Variants in GCN1 observed in about 807,000 individuals in gnomAD.
GCN1 encodes the protein stalled ribosome sensor GCN1.
GCN1 carries 90 observed loss-of-function variants against 288.4 expected under a neutral mutation model. That is an observed-to-expected ratio of 0.31 (90% CI 0.26 to 0.37). The LOEUF (loss-of-function observed/expected upper bound fraction) is 0.37, where lower values mean the gene tolerates loss of function less well. Among genes scored for constraint, GCN1 ranks in the 10% least tolerant of loss-of-function variants. The probability of loss-of-function intolerance (pLI) is 1.00; values close to 1 mark genes in which losing one functional copy is unlikely to be tolerated. For synonymous variants in GCN1, 1,386 were observed against 1,420.2 expected, an observed-to-expected ratio of 0.98 and a Z score of 0.54; for missense variants, 2,586 against 3,419.9, an observed-to-expected ratio of 0.76 and a Z score of 6.08.
chr12:120,128,036 T>C (rs572250493), intron 57 of GCN1, 62 bp from the exon 58 acceptor site: 89 of 1,581,202 alleles, frequency 5.6e-5, no homozygotes, highest in Non-Finnish European at 7.3e-5. Context: ...CGTTCTCCAA[T>C]TGGAGAAAGA....
At chr12:120,173,548 C>A in intron 14 of GCN1, 105 bp downstream of exon 14, 2 of 730,026 alleles carry the variant, frequency 2.7e-6, no homozygotes, top group East Asian at 2.5e-5. Context: ...TTAAACAGTG[C>A]AAAATAAGCT....
rs868059783 is a variant in GCN1, at chr12:120,161,881, T to G, written c.2341A>C (p.Ser781Arg). 1.9e-6 allele frequency: 3 copies of G among 1,613,940 alleles called. No homozygotes were observed. Among genetic ancestry groups the G allele is most frequent in the Non-Finnish European group, 2.5e-6 (3 of 1,179,922 alleles). The change falls in exon 21 of 58, where the codon AGT becomes CGT. Residue 781 changes from serine (S) to arginine (R), a missense_variant and splice_region_variant. By Grantham distance (110) the Ser-to-Arg change is moderately radical. Around this residue, in one of 8 missense-constraint regions of GCN1, gnomAD observed 913 missense variants for 1,107.0 expected, o/e 0.82. Coordinates refer to ENST00000300648, the MANE Select transcript of GCN1 (RefSeq NM_006836.2). ...CTGAGCCCATAAGTGAGGTCTCACC[T>G]CTGAATGATGGATTTGTCATACAGC... ...GELYDKSIIQ[S>R]AQQDSIKKAN...
chr12:120,161,463 CTTCCG>C (rs770625779), intron 22 of GCN1, 22 bp downstream of exon 22: 1 of 1,511,610 alleles, frequency 6.6e-7, no homozygotes, highest in Non-Finnish European at 9.2e-7. Context: ...CAGCAGCCAC[CTTCCG>C]TAAGTGCCTC....
chr12:120,161,336 G>A (rs538681724), intron 22 of GCN1, among the ~76,000 whole-genome samples, 154 bp downstream of exon 22: 20 of 152,294 alleles, frequency 1.3e-4, no homozygotes, highest in Admixed American at 1.2e-3. Flanking sequence ...GGGAAAGTGT[G>A]CCAGTGCACC....
chr12:120,144,119 G>C lies in GCN1; in HGVS notation c.5495+187C>G, dbSNP rs192315096. On this transcript the variant is annotated intron_variant, in intron 42 of 57. Transcript: ENST00000300648. This position sits in a 1 kb window ranked among gnomAD's most constrained non-coding sequence, Gnocchi z 4.7. Reference sequence around the variant, plus strand: ...AGCCTCCTGTGTAGCTGGGATTACAGGTGTGCACCACCATTCCCAGCTAAT... The same window carrying C: ...AGCCTCCTGTGTAGCTGGGATTACACGTGTGCACCACCATTCCCAGCTAAT... Among the ~76,000 whole-genome samples the C allele has an allele frequency of 2.0e-5, 3 of 152,210 alleles. No homozygotes were observed. The highest frequency in any genetic ancestry group is 7.2e-5 in the African/African-American group (3 of 41,468).
rs1420186371 is a variant in GCN1 at position 120,158,090 on chromosome 12, G to A, written c.2906-60C>T. The A allele has an allele frequency of 1.3e-6, 2 of 1,526,290 alleles. No homozygotes were observed. The highest frequency in any genetic ancestry group is 2.3e-5 in the East Asian group (1 of 44,392). The allele number at this position is 1,526,290 out of a possible 1,614,324, so 94.5% of individuals were successfully genotyped here. On this transcript the variant is annotated intron_variant, in intron 25 of 57. Transcript: ENST00000300648. This position sits in a 1 kb window ranked among gnomAD's most constrained non-coding sequence, Gnocchi z 4.3. Reference sequence around the variant, plus strand: ...CAGGGCAGGGACCCGGGCCACTGCTGCCTATTTCTATCCTCAGGGAAAGTA... The same window carrying A: ...CAGGGCAGGGACCCGGGCCACTGCTACCTATTTCTATCCTCAGGGAAAGTA...
At position 120,164,971 on chromosome 12, in the gene GCN1, A is replaced by G. The variant is rs1158860960; in HGVS notation, c.1613-250T>C. Among the ~76,000 whole-genome samples the G allele has an allele frequency of 5.4e-5, 8 of 146,876 alleles. No homozygotes were observed. The Admixed American group carries it at 5.5e-4, about 10-fold the overall frequency. On this transcript the variant is annotated intron_variant, in intron 16 of 57. Transcript: ENST00000300648. ...TACACACATATACACATATATACAC[A>G]TATATATACATATACATATATACAC...
chr12:120,134,236 AG>A lies in GCN1; in HGVS notation c.7317+54del. 2.6e-6 allele frequency: 3 copies of A among 1,159,146 alleles called. No homozygotes were observed. The highest frequency in any genetic ancestry group is 3.9e-6 in the Non-Finnish European group (3 of 768,288). The allele number at this position is 1,159,146 out of a possible 1,614,324, so 71.8% of individuals were successfully genotyped here. On this transcript the variant is annotated intron_variant, in intron 53 of 57. Coordinates refer to ENST00000300648, the MANE Select transcript of GCN1 (RefSeq NM_006836.2). The surrounding 1 kb of genome is among the most constrained non-coding windows in gnomAD (Gnocchi z 5.0). ...ACAAAGTGAAGAACTCAACCTAAGG[AG>A]GAGGAGGGAAACCAGTGGTCCAGTG... is the stretch of plus-strand genomic sequence containing the variant.
chr12:120,143,320 C>T (rs766525562), intron 42 of GCN1, among the ~76,000 whole-genome samples: 74 of 152,260 alleles, frequency 4.9e-4, no homozygotes, highest in Non-Finnish European at 8.5e-4. Context: ...TGGTGGCTCA[C>T]GCCTGTAATC....
chr12:120,150,357 G>C (rs1447260063), intron 34 of GCN1, among the ~76,000 whole-genome samples: 1 of 152,078 alleles, frequency 6.6e-6, no homozygotes, highest in African/African-American at 2.4e-5. Context: ...AACACTTTGG[G>C]AGGCTGAGGC....
Position 120,158,969 on chromosome 12 carries a change from G to A in GCN1, c.2750-354C>T, listed in dbSNP as rs1450496008. ...GGAGCTGGCAGTGAGCCAAGATGGCGCCACTGCACTCCAGCCTGGGTGACA... is the reference window on the plus strand; with the variant it reads ...GGAGCTGGCAGTGAGCCAAGATGGCACCACTGCACTCCAGCCTGGGTGACA... On this transcript the variant is annotated intron_variant, in intron 24 of 57. Transcript: ENST00000300648. The surrounding 1 kb of genome is among the most constrained non-coding windows in gnomAD (Gnocchi z 4.3). Among the ~76,000 whole-genome samples the A allele has an allele frequency of 5.3e-5, 8 of 149,762 alleles. No individual in the cohort carries two copies. The highest frequency in any genetic ancestry group is 1.7e-4 in the African/African-American group (7 of 40,574).
At chr12:120,148,589 G>T (rs948499931) in intron 36 of GCN1, among the ~76,000 whole-genome samples, 18 of 152,300 alleles carry the variant, frequency 1.2e-4, no homozygotes, top group Admixed American at 1.0e-3. Flanking sequence ...ACCAGGATAG[G>T]TAAGACCTGG....
Position 120,157,892 on chromosome 12 carries a change from TG to T in GCN1, c.3043del (p.Gln1015SerfsTer2). 1 of 1,613,978 alleles carries T rather than the reference TG, an allele frequency of 6.2e-7. No homozygotes were observed. Among genetic ancestry groups the T allele is most frequent in the Non-Finnish European group, 8.5e-7 (1 of 1,180,008 alleles). ...TGGGGTGTTGGGGGAGGCCCTCAGC[TG>T]GGCTTGGACAGTGAGGATCTGAAGA... ...QILQILTVQAQLRASPNTPPG... is the reference protein window; with the variant it reads ...QILQILTVQAXLRASPNTPPG... On this transcript the variant is annotated frameshift_variant, in exon 26 of 58. Coordinates refer to ENST00000300648, the MANE Select transcript of GCN1 (RefSeq NM_006836.2). LOFTEE classifies it high-confidence loss of function.
chr12:120,144,252 A>T lies in GCN1; in HGVS notation c.5495+54T>A, dbSNP rs1877288677. 1 of 1,596,488 alleles carries T rather than the reference A, an allele frequency of 6.3e-7. No homozygotes were observed. The highest frequency in any genetic ancestry group is 1.3e-5 in the African/African-American group (1 of 74,704). On this transcript the variant is annotated intron_variant, in intron 42 of 57. Coordinates refer to ENST00000300648, the MANE Select transcript of GCN1 (RefSeq NM_006836.2). This position sits in a 1 kb window ranked among gnomAD's most constrained non-coding sequence, Gnocchi z 4.7. ...CGGCTTTCCAGAGTGCTCGGATTAT[A>T]GGCATGAGCCACCACGCATCATCCC...
In GCN1 at chr12:120,148,365, A is replaced by G; in HGVS notation, c.4547-19T>C. The G allele has an allele frequency of 1.2e-6, 2 of 1,603,838 alleles. No homozygotes were observed. The highest frequency in any genetic ancestry group is 1.7e-6 in the Non-Finnish European group (2 of 1,173,078). On this transcript the variant is annotated intron_variant, in intron 36 of 57. Transcript: ENST00000300648. ...ACTGACCCTGTGGATAGCAGACACAAGCCCAGTACTGAATCACTGAGCAAA... is the reference window on the plus strand; with the variant it reads ...ACTGACCCTGTGGATAGCAGACACAGGCCCAGTACTGAATCACTGAGCAAA...
chr12:120,168,901 C>T (rs139513846), intron 15 of GCN1, among the ~76,000 whole-genome samples: 4 of 152,308 alleles, frequency 2.6e-5, no homozygotes, highest in Non-Finnish European at 4.4e-5. Flanking sequence ...CCTTGCATGG[C>T]CACAGTGAGC....
At chr12:120,149,074 G>C (rs1163245039) in intron 36 of GCN1, among the ~76,000 whole-genome samples, 1 of 148,414 alleles carries the variant, frequency 6.7e-6, no homozygotes, top group Non-Finnish European at 1.5e-5. Context: ...CCTGCCTAAG[G>C]TTATTTTCAA....
rs1479333621 is a variant in GCN1 at position 120,193,555 on chromosome 12, T to C, written c.18+1125A>G. 4.6e-5 allele frequency among the ~76,000 whole-genome samples: 7 copies of C among 152,348 alleles called. No individual in the cohort carries two copies. The East Asian group carries it at 1.3e-3, about 29-fold the overall frequency. On this transcript the variant is annotated intron_variant, in intron 1 of 57. Transcript: ENST00000300648. Reference sequence around the variant, plus strand: ...CCTGACCTCAACTGATCCACCCGCCTTGGCCTCCCAAAGTGCTGGGATTAC... The same window carrying C: ...CCTGACCTCAACTGATCCACCCGCCCTGGCCTCCCAAAGTGCTGGGATTAC...
Position 120,138,018 on chromosome 12 carries a change from C to T in GCN1, c.6276G>A (p.Arg2092=), listed in dbSNP as rs370531631. Residue 2092 remains arginine, a synonymous_variant, in exon 48 of 58, where the codon CGG becomes CGA. Transcript: ENST00000300648. The stretch of plus-strand genomic sequence containing the variant: ...CCACTGACGAAAGGAAAGCCAGCAC[C>T]CGGGTGTTGACAGGTGGCGTTGTCA... ...PKLTTPPVNT[R]VLAFLSSVAG... is the part of the protein sequence containing the mutation. 6 of 1,613,698 alleles carry T rather than the reference C, an allele frequency of 3.7e-6. No individual in the cohort carries two copies. The highest frequency in any genetic ancestry group is 1.7e-5 in the Admixed American group (1 of 59,948).
Sources: allele counts gnomAD v4.1 joint callset (sites outside exome capture counted in the v4.1 genomes callset), GRCh38; gene constraint gnomAD v4.1.1; regional missense constraint gnomAD v4.1.1; non-coding constraint Gnocchi (gnomAD v3.1); transcripts MANE v1.5; gene names NCBI Gene and HGNC (gene_info 2026-07-23, HGNC 2026-07-21).